FAH: variants seen among roughly 807,000 people sequenced by gnomAD.
The protein encoded by FAH is fumarylacetoacetase.
FAH carries 47 observed loss-of-function variants against 55.8 expected under a neutral mutation model. That is an observed-to-expected ratio of 0.84 (90% confidence interval 0.67 to 1.07). The LOEUF is 1.07. Ranked by LOEUF, FAH falls within the 50% of genes least tolerant of loss-of-function variation. FAH has a pLI of 0.00. For synonymous variants in FAH, 199 were observed against 207.7 expected, an observed-to-expected ratio of 0.96 and a Z score of 0.36; for missense variants, 495 against 545.9, an observed-to-expected ratio of 0.91 and a Z score of 0.93.
intron 13 of FAH, among the ~76,000 whole-genome samples, chr15:80,185,068 T>TA (rs2041359434): frequency 6.6e-6 from 1 of 152,206 alleles, no homozygotes; most frequent in Non-Finnish European, 1.5e-5. Flanking sequence ...TGAAGGAAAC[T>TA]AATATTTATT....
chr15:80,184,995 C>G (rs2041358909), intron 13 of FAH, among the ~76,000 whole-genome samples: 1 of 152,170 alleles, frequency 6.6e-6, no homozygotes, highest in South Asian at 2.1e-4. Context: ...AAGTGGACCC[C>G]TCTCAAGGGC....
intron 10 of FAH, among the ~76,000 whole-genome samples, chr15:80,175,433 C>G (rs1276893582): frequency 3.3e-5 from 5 of 152,172 alleles, no homozygotes; most frequent in African/African-American, 1.2e-4. Flanking sequence ...ACCCTCACTT[C>G]CGTGGTGGGT....
chr15:80,178,552 G>T (rs1220721973), intron 11 of FAH, among the ~76,000 whole-genome samples: 1 of 151,498 alleles, frequency 6.6e-6, no homozygotes, highest in Non-Finnish European at 1.5e-5. Context: ...TTGCCTTATA[G>T]TGTTGCACTG....
chr15:80,170,732 C>T (rs2041233704), intron 7 of FAH, among the ~76,000 whole-genome samples: 1 of 152,206 alleles, frequency 6.6e-6, no homozygotes, highest in African/African-American at 2.4e-5. Context: ...GGGCAGAGAG[C>T]CCAGGTCACC....
At chr15:80,175,212 T>A (rs1567119770) in intron 10 of FAH, 121 bp downstream of exon 10, 3 of 884,172 alleles carry the variant, frequency 3.4e-6, no homozygotes, top group Non-Finnish European at 5.6e-6. Flanking sequence ...CCTGGAGATG[T>A]GTGTGGCTCG....
At chr15:80,173,393 A>G (rs1047529751) in intron 9 of FAH, 1 of 590,838 alleles carries the variant, frequency 1.7e-6, no homozygotes. Flanking sequence ...TTGTAACCTT[A>G]AGAATCTTGC....
intron 10 of FAH, among the ~76,000 whole-genome samples, chr15:80,176,081 G>A (rs751319863): frequency 3.3e-5 from 5 of 151,664 alleles, no homozygotes; most frequent in African/African-American, 9.7e-5. Flanking sequence ...GCAATGGTGC[G>A]ATCTTGGCTC....
At chr15:80,163,364 A>G (rs138604124) in intron 5 of FAH, 2 of 152,450 alleles carry the variant, frequency 1.3e-5, no homozygotes, top group Non-Finnish European at 2.9e-5. Context: ...CTGAGTGTCT[A>G]TATGAGTGTC....
chr15:80,161,151 C>T (rs747375470), intron 4 of FAH, among the ~76,000 whole-genome samples: 5 of 152,212 alleles, frequency 3.3e-5, no homozygotes, highest in Non-Finnish European at 7.3e-5. Context: ...CTCCCAGCCC[C>T]TCTCACTCCC....
chr15:80,175,706 A>G (rs2041277721), intron 10 of FAH, among the ~76,000 whole-genome samples: 1 of 152,240 alleles, frequency 6.6e-6, no homozygotes, highest in Non-Finnish European at 1.5e-5. Context: ...CTGGCTCTGC[A>G]GGCCATGACT....
chr15:80,160,273 T>C (rs2041137218), intron 3 of FAH, 137 bp from the exon 4 acceptor site: 7 of 866,060 alleles, frequency 8.1e-6, no homozygotes, highest in Non-Finnish European at 1.4e-5. Flanking sequence ...AGGTTCAGCA[T>C]AGCTCTGGCC....
intron 7 of FAH, among the ~76,000 whole-genome samples, chr15:80,169,857 A>T (rs1183692232): frequency 6.6e-6 from 1 of 152,146 alleles, no homozygotes; most frequent in Non-Finnish European, 1.5e-5. Context: ...TTTTAAATTA[A>T]ACTTTTTATT....
At chr15:80,160,565 G>A (rs769460310) in intron 4 of FAH, 106 bp downstream of exon 4, 5 of 1,091,374 alleles carry the variant, frequency 4.6e-6, no homozygotes, top group African/African-American at 3.1e-5. Flanking sequence ...CCTGCTGGTG[G>A]GGGGAGATGG....
intron 9 of FAH, chr15:80,173,842 C>G (rs1414407660): frequency 6.3e-6 from 1 of 158,854 alleles, no homozygotes; most frequent in African/African-American, 2.4e-5. Context: ...CACGATGCCC[C>G]TCTCCAATTC....
In FAH at chr15:80,175,016, G is replaced by A. The variant is rs1303884206; in HGVS notation, c.838G>A (p.Asp280Asn). ...TCTGTGCTGTGCTTTGCCCTCTCAG[G>A]ACCCCAGGCCCCTGCCGTATCTGTG... Reference protein sequence around the residue: ...MPFAVPNPKQDPRPLPYLCHD... With the variant: ...MPFAVPNPKQNPRPLPYLCHD... Residue 280 changes from aspartate (D) to asparagine (N), a missense_variant and splice_region_variant, in exon 10 of 14, where the codon GAC (aspartate) becomes AAC (asparagine). Transcript: ENST00000561421. 3 of 1,613,976 alleles carry A rather than the reference G, an allele frequency of 1.9e-6. No individual in the cohort carries two copies. The highest frequency in any genetic ancestry group is 1.7e-5 in the Admixed American group (1 of 60,014).
intron 1 of FAH, among the ~76,000 whole-genome samples, chr15:80,155,540 C>T (rs1423505935): frequency 2.6e-5 from 4 of 152,148 alleles, no homozygotes; most frequent in African/African-American, 4.8e-5. Flanking sequence ...TCCAGCCCTA[C>T]GGGGCTTAGC....
chr15:80,177,824 A>G (rs538797213), intron 11 of FAH, among the ~76,000 whole-genome samples: 2 of 152,302 alleles, frequency 1.3e-5, no homozygotes, highest in Admixed American at 6.5e-5. Flanking sequence ...GTTCCTGTAA[A>G]GGTCTAGTTC....
chr15:80,171,166 C>A (rs1040237146), intron 7 of FAH, among the ~76,000 whole-genome samples: 1 of 151,818 alleles, frequency 6.6e-6, no homozygotes, highest in Non-Finnish European at 1.5e-5. Flanking sequence ...CATATGTATA[C>A]ATGTGCCATG....
chr15:80,166,026 G>A (rs1297789004), intron 5 of FAH: 1 of 152,086 alleles, frequency 6.6e-6, no homozygotes, highest in African/African-American at 2.4e-5. Flanking sequence ...AGGTACTTAA[G>A]GGTAAACAAT....
Sources: allele counts gnomAD v4.1 joint callset (sites outside exome capture counted in the v4.1 genomes callset), GRCh38; gene constraint gnomAD v4.1.1; transcripts MANE v1.5; gene names NCBI Gene and HGNC (gene_info 2026-07-23, HGNC 2026-07-21).